The following HRH2 variants were observed in gnomAD, a reference collection of about 807,000 sequenced individuals.
HRH2 encodes the protein histamine H2 receptor.
A neutral mutation model predicts 20.1 loss-of-function variants in HRH2; 4 were observed. That is an observed-to-expected ratio of 0.20 (90% CI 0.10 to 0.45). HRH2 has a LOEUF of 0.45. Among genes scored for constraint, HRH2 ranks in the 20% least tolerant of loss-of-function variants. HRH2 has a pLI of 0.99. For synonymous variants in HRH2, 197 were observed against 200.7 expected (o/e 0.98, Z 0.16); for missense variants, 250 against 461.6 (o/e 0.54, Z 4.20).
chr5:175,702,724 TC>T (rs375595383), intron 2 of HRH2, among the ~76,000 whole-genome samples: 2,440 of 145,526 alleles, frequency 0.017, 75 homozygotes, highest in Non-Finnish European at 0.025. Context: ...GCTAATTTTT[TC>T]TTTTTTTTTT....
Position 175,683,704 on chromosome 5 carries a change from G to C in HRH2, c.471G>C (p.Gly157=). 3.7e-6 allele frequency: 6 copies of C among 1,614,174 alleles called. No individual in the cohort carries two copies. The highest frequency in any genetic ancestry group is 5.1e-6 in the Non-Finnish European group (6 of 1,180,040). Residue 157 remains glycine, a synonymous_variant, in exon 2 of 3, where the codon GGG becomes GGC. Transcript: ENST00000636584. ...ITLSFLSIHL[G]WNSRNETSKG... Reference sequence around the variant, plus strand: ...TGTCCTTTCTGTCTATCCACCTGGGGTGGAACAGCAGGAACGAGACCAGCA... The same window carrying C: ...TGTCCTTTCTGTCTATCCACCTGGGCTGGAACAGCAGGAACGAGACCAGCA...
intron 1 of HRH2, among the ~76,000 whole-genome samples, chr5:175,672,839 G>A (rs1215017102): frequency 2.7e-4 from 41 of 152,332 alleles, no homozygotes; most frequent in Non-Finnish European, 4.4e-5. Flanking sequence ...CCTTGGAGGG[G>A]TCCAGGAGGC....
At chr5:175,692,872 G>GT (rs1438791662) in intron 2 of HRH2, among the ~76,000 whole-genome samples, 1 of 152,222 alleles carries the variant, frequency 6.6e-6, no homozygotes, top group East Asian at 1.9e-4. Context: ...TGAGGAACGT[G>GT]TTTTTTATAC....
chr5:175,693,012 C>T lies in HRH2; in HGVS notation c.1076+8703C>T, dbSNP rs758046099. On this transcript the variant is annotated intron_variant, in intron 2 of 2. Transcript: ENST00000636584. This position sits in a 1 kb window ranked among gnomAD's most constrained non-coding sequence, Gnocchi z 4.4. ...CATAGGGCGGGACTGCAGAGAGAGC[C>T]CCAGCCATGGGGAGAGGAGACCAGA... is the stretch of plus-strand genomic sequence containing the variant. Among the ~76,000 whole-genome samples the T allele has an allele frequency of 2.0e-5, 3 of 152,174 alleles. No individual in the cohort carries two copies. The highest frequency in any genetic ancestry group is 4.4e-5 in the Non-Finnish European group (3 of 68,022).
chr5:175,675,229 A>G (rs977392731), intron 1 of HRH2, among the ~76,000 whole-genome samples: 2 of 152,250 alleles, frequency 1.3e-5, no homozygotes, highest in Admixed American at 1.3e-4. Flanking sequence ...AGCATTCTTT[A>G]TATGCCAATT....
chr5:175,668,407 TG>T (rs1755387080), intron 1 of HRH2, among the ~76,000 whole-genome samples: 2 of 151,746 alleles, frequency 1.3e-5, no homozygotes, highest in Admixed American at 1.3e-4. Flanking sequence ...GCTCGCAGGG[TG>T]GGGGTGCAGG....
rs1757043480 is a variant in HRH2, at chr5:175,709,850, C to G, written c.*1879C>G. 6.6e-6 allele frequency: 1 copy of G among 152,496 alleles called. No homozygotes were observed. Among genetic ancestry groups the G allele is most frequent in the Non-Finnish European group, 1.5e-5 (1 of 68,266 alleles). The allele number at this position is 152,496 out of a possible 1,614,324, so 9.4% of individuals were successfully genotyped here. A position where few individuals can be genotyped will look rare whatever the true frequency, so the allele number is the denominator to read the frequency against. ...ACAGGTAGATAAAACCATCTTCAGCCCAGCCCTCAGGCCCTGTGTGCTGGG... is the reference window on the plus strand; with the variant it reads ...ACAGGTAGATAAAACCATCTTCAGCGCAGCCCTCAGGCCCTGTGTGCTGGG... On this transcript the variant is annotated 3_prime_UTR_variant, in exon 3 of 3. Coordinates refer to ENST00000636584, the MANE Select transcript of HRH2 (RefSeq NM_001367711.1).
chr5:175,662,150 G>C (rs1422349682), intron 1 of HRH2, among the ~76,000 whole-genome samples: 1 of 152,116 alleles, frequency 6.6e-6, no homozygotes, highest in Non-Finnish European at 1.5e-5. Context: ...GAAACTGTGG[G>C]GCCTCAGAGG....
rs920815282 is a variant in HRH2 at position 175,692,003 on chromosome 5, C to T, written c.1076+7694C>T. Among the ~76,000 whole-genome samples, 8 of 152,164 alleles carry T rather than the reference C, an allele frequency of 5.3e-5. No individual in the cohort carries two copies. In the South Asian group the frequency reaches 6.2e-4, roughly 12 times the overall value. ...GGAGGGCTGATTGCAGGCCCTTGAC[C>T]CCTTCACCTGATGCTTTTGTGCAGA... is the stretch of plus-strand genomic sequence containing the variant. On this transcript the variant is annotated intron_variant, in intron 2 of 2. Coordinates refer to ENST00000636584, the MANE Select transcript of HRH2 (RefSeq NM_001367711.1).
intron 1 of HRH2, among the ~76,000 whole-genome samples, chr5:175,680,358 GC>G (rs1252775471): frequency 1.3e-5 from 2 of 152,204 alleles, no homozygotes; most frequent in African/African-American, 4.8e-5. Context: ...CCCAGTGTGT[GC>G]CCATTGTGCA....
At chr5:175,666,309 G>A (rs187831772) in intron 1 of HRH2, among the ~76,000 whole-genome samples, 8 of 152,212 alleles carry the variant, frequency 5.3e-5, no homozygotes, top group African/African-American at 1.9e-4. Context: ...GCGTCATTGG[G>A]CTCTCTGGAA....
intron 2 of HRH2, among the ~76,000 whole-genome samples, chr5:175,699,634 C>G (rs1014265272): frequency 1.3e-5 from 2 of 152,154 alleles, no homozygotes. Context: ...AGTGCAGTGG[C>G]GTGACCTCGG....
rs1757033401 is a variant in HRH2 at position 175,709,507 on chromosome 5, GCTGCGTGCCTGCA to G, written c.*1537_*1549del. ...GGCGCTCTCCCTCAGCGTGTCTGCAGCTGCGTGCCTGCAGCTGCGTGCCTGCCTTCTCCCTGCA... is the reference window on the plus strand; with the variant it reads ...GGCGCTCTCCCTCAGCGTGTCTGCAGGCTGCGTGCCTGCCTTCTCCCTGCA... On this transcript the variant is annotated 3_prime_UTR_variant, in exon 3 of 3. Transcript: ENST00000636584. 8.0e-6 allele frequency: 1 copy of G among 125,756 alleles called. No individual in the cohort carries two copies. The highest frequency in any genetic ancestry group is 5.4e-5 in the African/African-American group (1 of 18,514). 7.8% of individuals were successfully genotyped at this position (125,756 alleles called of 1,614,324 possible). A position where few individuals can be genotyped will look rare whatever the true frequency, so the allele number is the denominator to read the frequency against.
Position 175,683,763 on chromosome 5 carries a change from AGGTCAATGAAGTGTACG to A in HRH2, c.533_549del (p.Val178AlafsTer37). The A allele has an allele frequency of 6.2e-7, 1 of 1,614,188 alleles. No homozygotes were observed. Among genetic ancestry groups the A allele is most frequent in the Non-Finnish European group, 8.5e-7 (1 of 1,180,038 alleles). On this transcript the variant is annotated frameshift_variant, in exon 2 of 3. Transcript: ENST00000636584. LOFTEE classifies it high-confidence loss of function. ...CATACCACCTCTAAGTGCAAAGTCC[AGGTCAATGAAGTGTACG>A]GGCTGGTGGATGGGCTGGTCACCTT...
chr5:175,672,401 C>T (rs919414147), intron 1 of HRH2, among the ~76,000 whole-genome samples: 7 of 152,188 alleles, frequency 4.6e-5, no homozygotes, highest in East Asian at 1.9e-4. Flanking sequence ...GCCTCTGCCA[C>T]GCTCGCCAGC....
chr5:175,664,633 T>C lies in HRH2; in HGVS notation c.-526+6478T>C, dbSNP rs115810221. 8.7e-3 allele frequency among the ~76,000 whole-genome samples: 1,319 copies of C among 151,866 alleles called. 10 individuals are homozygous for C. Among genetic ancestry groups the C allele is most frequent in the African/African-American group, 0.031 (1,268 of 41,418 alleles). On this transcript the variant is annotated intron_variant, in intron 1 of 2. Transcript: ENST00000636584. ...AAGCTGAGGTGTTTGGATTTTGTCCTGTAGGCAGTGGGAGCCACGGCAGGA... is the reference window on the plus strand; with the variant it reads ...AAGCTGAGGTGTTTGGATTTTGTCCCGTAGGCAGTGGGAGCCACGGCAGGA...
chr5:175,685,406 C>T (rs1228058368), intron 2 of HRH2: 1 of 1,548,372 alleles, frequency 6.5e-7, no homozygotes, highest in African/African-American at 1.4e-5. Context: ...TCTCTTCCCA[C>T]AGACCATGGC....
At chr5:175,694,831 A>G (rs1008268629) in intron 2 of HRH2, among the ~76,000 whole-genome samples, 1 of 152,074 alleles carries the variant, frequency 6.6e-6, no homozygotes. Flanking sequence ...ACCCAACAGG[A>G]GAGTGTTGGG....
At chr5:175,684,871 G>A (rs1006634846) in intron 2 of HRH2, among the ~76,000 whole-genome samples, 2 of 152,170 alleles carry the variant, frequency 1.3e-5, no homozygotes, top group African/African-American at 2.4e-5. Context: ...CCTTGAAGGC[G>A]GCTGAGTTTG....
Sources: gnomAD v4.1 joint callset for allele counts (sites outside exome capture counted in the v4.1 genomes callset) on GRCh38, gnomAD v4.1.1 for gene constraint, Gnocchi (gnomAD v3.1) non-coding constraint, MANE v1.5 for transcripts, NCBI Gene and HGNC (gene_info 2026-07-23, HGNC 2026-07-21) for gene names.